The following TMEM232 variants were observed in gnomAD, a reference collection of about 807,000 sequenced individuals.
The protein encoded by TMEM232 is transmembrane protein 232.
TMEM232 carries 80 observed loss-of-function variants against 78.8 expected under a neutral mutation model. The observed-to-expected ratio is 1.01, with a 90% CI of 0.85 to 1.22. The LOEUF is 1.22. TMEM232 is among the 50% of genes most tolerant of loss of function. The pLI is 0.00. For synonymous variants in TMEM232, 297 were observed against 254.3 expected, an observed-to-expected ratio of 1.17 and a Z score of -1.60; for missense variants, 881 against 742.2, an observed-to-expected ratio of 1.19 and a Z score of -2.17.
intron 5 of TMEM232, among the ~76,000 whole-genome samples, chr5:110,629,249 T>A (rs1307652994): frequency 1.3e-5 from 2 of 152,014 alleles, no homozygotes. Context: ...AAAAAAAATA[T>A]AATATTCAAA....
chr5:110,640,850 G>T, intron 4 of TMEM232, 41 bp downstream of exon 4: 1 of 1,372,910 alleles, frequency 7.3e-7, no homozygotes, highest in Non-Finnish European at 9.6e-7. Context: ...TGATGATATA[G>T]AAAATACTTA....
chr5:110,607,231 C>G (rs976578881), intron 8 of TMEM232, among the ~76,000 whole-genome samples: 3 of 151,788 alleles, frequency 2.0e-5, no homozygotes, highest in African/African-American at 7.3e-5. Context: ...TAAGATTTTT[C>G]AAGACCTTTT....
chr5:110,603,393 T>C (rs1353425450), intron 10 of TMEM232, among the ~76,000 whole-genome samples: 1 of 152,036 alleles, frequency 6.6e-6, no homozygotes, highest in Non-Finnish European at 1.5e-5. Flanking sequence ...CATCATAAGA[T>C]TATGCCAGAG....
At chr5:110,672,990 A>G (rs147485777) in intron 1 of TMEM232, among the ~76,000 whole-genome samples, 1,783 of 152,324 alleles carry the variant, frequency 0.012, 46 homozygotes, top group African/African-American at 0.04. Context: ...GCTGCTATAA[A>G]GAGACATGCA....
chr5:110,606,161 T>C lies in TMEM232; in HGVS notation c.1026+3A>G, dbSNP rs1163317925. The C allele has an allele frequency of 3.3e-6, 5 of 1,534,704 alleles. No individual in the cohort carries two copies. Among genetic ancestry groups the C allele is most frequent in the Non-Finnish European group, 4.4e-6 (5 of 1,137,082 alleles). ...CTTTTCACATATAAATTAGCAATGT[T>C]ACCTGATTTTGAACAGACATAATGC... On this transcript the variant is annotated splice_donor_region_variant and intron_variant, in intron 9 of 13. Coordinates refer to ENST00000455884, the MANE Select transcript of TMEM232 (RefSeq NM_001039763.4).
At chr5:110,723,495 C>A (rs1373784899) in intron 1 of TMEM232, among the ~76,000 whole-genome samples, 1 of 152,084 alleles carries the variant, frequency 6.6e-6, no homozygotes, top group African/African-American at 2.4e-5. Context: ...AGATTATTAT[C>A]CATGGGTACC....
At chr5:110,650,876 G>C (rs1489011036) in intron 2 of TMEM232, among the ~76,000 whole-genome samples, 1 of 152,054 alleles carries the variant, frequency 6.6e-6, no homozygotes, top group African/African-American at 2.4e-5. Context: ...TACTAATGTA[G>C]GATGTTAGCA....
At chr5:110,592,155 G>A (rs1779616472) in intron 10 of TMEM232, among the ~76,000 whole-genome samples, 1 of 152,202 alleles carries the variant, frequency 6.6e-6, no homozygotes, top group Non-Finnish European at 1.5e-5. Context: ...GTCAAGTAAT[G>A]GCTTTTCTTG....
rs549361387 is a variant in TMEM232, at chr5:110,391,326, T to TGTGAGAGAGAGAGAGAGAGAGA, written n.391-687_391-686insTCTCTCTCTCTCTCTCTCTCAC. ...GTGTGTGTGTGTGTGTGTGTGTGTG[T>TGTGAGAGAGAGAGAGAGAGAGA]GAGAGAGAGAGAGAGAGAGAGAAAC... is the stretch of plus-strand genomic sequence containing the variant. On this transcript the variant is annotated intron_variant and non_coding_transcript_variant, in intron 3 of 8. Coordinates refer to the TMEM232 transcript ENST00000507188. Among the ~76,000 whole-genome samples, 27 of 139,912 alleles carry TGTGAGAGAGAGAGAGAGAGAGA rather than the reference T, an allele frequency of 1.9e-4. No individual in the cohort carries two copies. In the East Asian group the frequency reaches 3.7e-3, roughly 19 times the overall value. 91.8% of individuals were successfully genotyped at this position (139,912 alleles called of 152,430 possible). A position where few individuals can be genotyped will look rare whatever the true frequency, so the allele number is the denominator to read the frequency against.
At chr5:110,732,824 T>C (rs1374006617) in intron 2 of TMEM232, among the ~76,000 whole-genome samples, 1 of 152,188 alleles carries the variant, frequency 6.6e-6, no homozygotes, top group Admixed American at 6.5e-5. Context: ...CTGAAATTTT[T>C]ATTTGTCAAA....
chr5:110,534,482 C>G (rs973067808), intron 11 of TMEM232, among the ~76,000 whole-genome samples: 8 of 152,164 alleles, frequency 5.3e-5, no homozygotes, highest in African/African-American at 1.9e-4. Flanking sequence ...CATTTAAGCT[C>G]CTGTATAGAC....
chr5:110,428,423 C>G (rs1757478393), intron 12 of TMEM232, among the ~76,000 whole-genome samples: 1 of 151,724 alleles, frequency 6.6e-6, no homozygotes, highest in African/African-American at 2.4e-5. Flanking sequence ...TTTTATAACA[C>G]AGGAATTTCT....
chr5:110,645,941 G>A (rs1182020027), intron 2 of TMEM232, among the ~76,000 whole-genome samples: 2 of 151,292 alleles, frequency 1.3e-5, no homozygotes, highest in African/African-American at 2.4e-5. Context: ...AATAGGAAAT[G>A]GAGAAAACAA....
chr5:110,638,454 C>A (rs1786202953), intron 4 of TMEM232, 99 bp from the exon 5 acceptor site: 20 of 1,162,094 alleles, frequency 1.7e-5, no homozygotes, highest in Non-Finnish European at 1.9e-5. Flanking sequence ...TCATTAAGAC[C>A]AAATTGCAGT....
chr5:110,424,911 TGTTCC>T lies in TMEM232; in HGVS notation c.1704_1708del (p.Glu569SerfsTer20). 1 of 1,549,626 alleles carries T rather than the reference TGTTCC, an allele frequency of 6.5e-7. No homozygotes were observed. Among genetic ancestry groups the T allele is most frequent in the Non-Finnish European group, 8.7e-7 (1 of 1,145,676 alleles). On this transcript the variant is annotated frameshift_variant and splice_region_variant, in exon 13 of 14. Transcript: ENST00000455884. LOFTEE classifies it high-confidence loss of function. ...CATGGGAATTTCTGATACAGAAGGA[TGTTCC>T]CTTCAAAAGAGCACAAGAACAAATC... is the stretch of plus-strand genomic sequence containing the variant.
intron 1 of TMEM232, among the ~76,000 whole-genome samples, chr5:110,676,437 C>G (rs1792034047): frequency 6.6e-6 from 1 of 151,710 alleles, no homozygotes; most frequent in African/African-American, 2.4e-5. Context: ...ACTCTGTCAC[C>G]CAGGCTGGAG....
chr5:110,708,561 T>G (rs951164411), intron 1 of TMEM232, among the ~76,000 whole-genome samples: 1 of 148,636 alleles, frequency 6.7e-6, no homozygotes, highest in South Asian at 2.2e-4. Context: ...TAGTAAGACA[T>G]AAAGTTAAAA....
intron 7 of TMEM232, among the ~76,000 whole-genome samples, chr5:110,623,794 A>C (rs1002603088): frequency 1.3e-5 from 2 of 152,134 alleles, no homozygotes; most frequent in Non-Finnish European, 2.9e-5. Flanking sequence ...GATAGGTCAA[A>C]CTCTGTTATA....
At chr5:110,517,581 A>G (rs570254109) in intron 12 of TMEM232, among the ~76,000 whole-genome samples, 1 of 152,324 alleles carries the variant, frequency 6.6e-6, no homozygotes, top group East Asian at 1.9e-4. Context: ...TGGAGCTGAC[A>G]GTATGCACAA....
Sources: gnomAD v4.1 joint callset for allele counts (sites outside exome capture counted in the v4.1 genomes callset) on GRCh38, gnomAD v4.1.1 for gene constraint, MANE v1.5 for transcripts, NCBI Gene and HGNC (gene_info 2026-07-23, HGNC 2026-07-21) for gene names.